The following RABGAP1L variants were observed in gnomAD, a reference collection of about 807,000 sequenced individuals.
RABGAP1L encodes RAB GTPase activating protein 1 like, also known as rab GTPase-activating protein 1-like.
Under a neutral mutation model 137.7 loss-of-function variants are expected in RABGAP1L, and 63 were observed. The ratio of observed to expected loss-of-function variants is 0.46; its 90% confidence interval spans 0.37 to 0.56. RABGAP1L has a LOEUF of 0.56. Among genes scored for constraint, RABGAP1L ranks in the 20% least tolerant of loss-of-function variants. The pLI is 0.00. For missense variants in RABGAP1L, 1,095 were observed against 1,244.0 expected (o/e 0.88, Z 1.80); for synonymous variants, 431 against 433.7 (o/e 0.99, Z 0.08).
At chr1:174,511,487 C>T (rs1488808489) in intron 13 of RABGAP1L, among the ~76,000 whole-genome samples, 1 of 152,090 alleles carries the variant, frequency 6.6e-6, no homozygotes, top group East Asian at 1.9e-4. Context: ...ATTAAAAGTT[C>T]ATGCTTTTTT....
At chr1:174,801,750 A>G (rs944687213) in intron 18 of RABGAP1L, among the ~76,000 whole-genome samples, 1 of 150,858 alleles carries the variant, frequency 6.6e-6, no homozygotes, top group Non-Finnish European at 1.5e-5. Context: ...AAAACTAAGG[A>G]TTCATGATTC....
intron 1 of RABGAP1L, among the ~76,000 whole-genome samples, chr1:174,195,788 T>C (rs1051928931): frequency 4.1e-5 from 5 of 120,914 alleles, no homozygotes; most frequent in African/African-American, 1.2e-4. Flanking sequence ...TTCTTTCTTT[T>C]CTTTCTTTCT....
At chr1:174,621,290 A>T (rs1572557778) in intron 13 of RABGAP1L, among the ~76,000 whole-genome samples, 1 of 152,236 alleles carries the variant, frequency 6.6e-6, no homozygotes, top group Non-Finnish European at 1.5e-5. Flanking sequence ...AAGGTAATTT[A>T]TAGATTCAAT....
rs1664773478 is a variant in RABGAP1L at position 174,534,803 on chromosome 1, A to AT, written c.1711-102572_1711-102571insT. Reference sequence around the variant, plus strand: ...AAAAAAAAAAAAAAAAAAAAAAAAAAATAATTAGAATAGTATGCCAGTATC... The same window carrying AT: ...AAAAAAAAAAAAAAAAAAAAAAAAAATATAATTAGAATAGTATGCCAGTATC... On this transcript the variant is annotated intron_variant, in intron 13 of 25. Coordinates refer to ENST00000681986, the MANE Select transcript of RABGAP1L (RefSeq NM_001366446.1). Among the ~76,000 whole-genome samples the AT allele has an allele frequency of 2.3e-5, 3 of 131,822 alleles. No individual in the cohort carries two copies. In the South Asian group the frequency reaches 7.2e-4, roughly 32 times the overall value. 86.5% of individuals were successfully genotyped at this position (131,822 alleles called of 152,430 possible).
intron 20 of RABGAP1L, among the ~76,000 whole-genome samples, chr1:174,961,577 G>T (rs1294747772): frequency 1.3e-5 from 2 of 152,188 alleles, no homozygotes; most frequent in Non-Finnish European, 2.9e-5. Flanking sequence ...GGGCATGGTG[G>T]CTCTTGCCTG....
At chr1:174,276,381 C>T (rs1213486345) in intron 9 of RABGAP1L, among the ~76,000 whole-genome samples, 2 of 152,024 alleles carry the variant, frequency 1.3e-5, no homozygotes, top group Non-Finnish European at 2.9e-5. Context: ...GAACCTTTGA[C>T]CTCAACTGAT....
intron 12 of RABGAP1L, among the ~76,000 whole-genome samples, chr1:174,376,915 C>T (rs552531468): frequency 4.1e-4 from 63 of 152,226 alleles, no homozygotes; most frequent in African/African-American, 1.4e-3. Flanking sequence ...AACACTGTCT[C>T]TATTTGCAGA....
At chr1:174,543,731 A>G (rs1287894974) in intron 13 of RABGAP1L, among the ~76,000 whole-genome samples, 2 of 152,144 alleles carry the variant, frequency 1.3e-5, no homozygotes, top group African/African-American at 4.8e-5. Flanking sequence ...AGTGGCTGGT[A>G]CCAGTTGTTC....
At chr1:174,858,142 A>G (rs1649625884) in intron 19 of RABGAP1L, among the ~76,000 whole-genome samples, 1 of 152,084 alleles carries the variant, frequency 6.6e-6, no homozygotes, top group Non-Finnish European at 1.5e-5. Flanking sequence ...CTTCCCAAGT[A>G]GTTGGGATTA....
At chr1:174,193,073 A>G (rs1667325304) in intron 1 of RABGAP1L, among the ~76,000 whole-genome samples, 1 of 152,250 alleles carries the variant, frequency 6.6e-6, no homozygotes, top group African/African-American at 2.4e-5. Context: ...TAAAATGCCC[A>G]GAACTTTCTG....
chr1:174,618,097 G>C (rs1672075080), intron 13 of RABGAP1L, among the ~76,000 whole-genome samples: 1 of 152,188 alleles, frequency 6.6e-6, no homozygotes, highest in South Asian at 2.1e-4. Flanking sequence ...GCTGTGGGAG[G>C]GGCGCCCGCC....
rs1553267201 is a variant in RABGAP1L, at chr1:174,863,241, A to AAAAAAAAAG, written c.2340+51288_2340+51289insAGAAAAAAA. On this transcript the variant is annotated intron_variant, in intron 19 of 25. Coordinates refer to ENST00000681986, the MANE Select transcript of RABGAP1L (RefSeq NM_001366446.1). ...ACATGAGTTGTTTGTAGCAAAAAAA[A>AAAAAAAAAG]AAAAAAAGAAAAACAGTATATTTAA... Among the ~76,000 whole-genome samples, 805 of 148,590 alleles carry AAAAAAAAAG rather than the reference A, an allele frequency of 5.4e-3. 64 individuals carry two copies. In the East Asian group the frequency reaches 0.13, roughly 23 times the overall value.
chr1:174,977,949 A>G (rs1670793630), intron 22 of RABGAP1L, among the ~76,000 whole-genome samples: 1 of 152,256 alleles, frequency 6.6e-6, no homozygotes, highest in Non-Finnish European at 1.5e-5. Context: ...TAGCAATTAC[A>G]GAGTATACGC....
At chr1:174,427,756 ATATTT>A (rs2149185642) in intron 13 of RABGAP1L, among the ~76,000 whole-genome samples, 1 of 152,354 alleles carries the variant, frequency 6.6e-6, no homozygotes, top group South Asian at 2.1e-4. Flanking sequence ...ATATAAAATA[ATATTT>A]TATGTTGATG....
chr1:174,512,775 T>C (rs568210643), intron 13 of RABGAP1L, among the ~76,000 whole-genome samples: 1 of 152,300 alleles, frequency 6.6e-6, no homozygotes, highest in South Asian at 2.1e-4. Flanking sequence ...GACAAGCATG[T>C]TAAATGTGTA....
chr1:174,863,233 C>CAAAAAAAAAAAA (rs71117585), intron 19 of RABGAP1L, among the ~76,000 whole-genome samples: 4 of 82,646 alleles, frequency 4.8e-5, no homozygotes, highest in African/African-American at 9.7e-5. Context: ...TTGTTTGTAG[C>CAAAAAAAAAAAA]AAAAAAAAAA....
At chr1:174,835,184 A>G (rs765855903) in intron 19 of RABGAP1L, among the ~76,000 whole-genome samples, 2 of 152,198 alleles carry the variant, frequency 1.3e-5, no homozygotes, top group Non-Finnish European at 2.9e-5. Flanking sequence ...CTGCTTGTCC[A>G]AAAGTCTTTT....
intron 10 of RABGAP1L, among the ~76,000 whole-genome samples, chr1:174,284,420 TTTC>T (rs572658786): frequency 8.3e-4 from 126 of 152,316 alleles, no homozygotes; most frequent in African/African-American, 2.8e-3. Context: ...ATGGCAGAAT[TTTC>T]TTCTTCTTTA....
At chr1:174,610,320 C>T (rs923692567) in intron 13 of RABGAP1L, among the ~76,000 whole-genome samples, 3 of 149,404 alleles carry the variant, frequency 2.0e-5, no homozygotes, top group African/African-American at 4.9e-5. Context: ...GTTTTTTGTC[C>T]TTGTGATAGT....
Sources: allele counts gnomAD v4.1 joint callset (sites outside exome capture counted in the v4.1 genomes callset), GRCh38; gene constraint gnomAD v4.1.1; transcripts MANE v1.5; gene names NCBI Gene and HGNC (gene_info 2026-07-23, HGNC 2026-07-21).